The following KLHL1 variants were observed in gnomAD, a reference collection of about 807,000 sequenced individuals.
KLHL1 encodes kelch like family member 1.
KLHL1 carries 47 observed loss-of-function variants against 77.7 expected under a neutral mutation model. The observed-to-expected ratio is 0.60, with a 90% CI of 0.48 to 0.77. The LOEUF (loss-of-function observed/expected upper bound fraction) is 0.77, where lower values mean the gene tolerates loss of function less well. KLHL1 is among the 30% of genes least tolerant of loss of function. The pLI is 0.00. For synonymous variants in KLHL1, 360 were observed against 325.2 expected, an observed-to-expected ratio of 1.11 and a Z score of -1.15; for missense variants, 925 against 910.8, an observed-to-expected ratio of 1.02 and a Z score of -0.20.
At chr13:69,830,139 C>T (rs1358621898) in intron 6 of KLHL1, among the ~76,000 whole-genome samples, 1 of 149,942 alleles carries the variant, frequency 6.7e-6, no homozygotes, top group South Asian at 2.1e-4. Flanking sequence ...GGCCTAAATG[C>T]CCCACATAAA....
intron 1 of KLHL1, among the ~76,000 whole-genome samples, chr13:70,046,855 A>G (rs1364884542): frequency 6.6e-6 from 1 of 152,134 alleles, no homozygotes; most frequent in Admixed American, 6.5e-5. Flanking sequence ...CGAAGCTGCA[A>G]TCAGGACCCT....
intron 1 of KLHL1, among the ~76,000 whole-genome samples, chr13:70,003,519 C>T (rs572785054): frequency 2.1e-4 from 32 of 151,842 alleles, no homozygotes; most frequent in African/African-American, 7.7e-4. Flanking sequence ...TGCAAAATGT[C>T]ATATTCACTG....
chr13:70,001,963 C>T (rs1222075446), intron 1 of KLHL1, among the ~76,000 whole-genome samples: 1 of 151,516 alleles, frequency 6.6e-6, no homozygotes, highest in Non-Finnish European at 1.5e-5. Flanking sequence ...ACCAGAAAGA[C>T]CATATCTTAG....
intron 7 of KLHL1, among the ~76,000 whole-genome samples, chr13:69,760,191 A>C (rs973690589): frequency 3.3e-5 from 5 of 152,124 alleles, no homozygotes; most frequent in Non-Finnish European, 7.3e-5. Context: ...AGTAAGACAA[A>C]GAAAGCATAC....
At chr13:69,845,262 C>A (rs971807968) in intron 5 of KLHL1, among the ~76,000 whole-genome samples, 3 of 151,156 alleles carry the variant, frequency 2.0e-5, no homozygotes, top group African/African-American at 7.3e-5. Context: ...ATAATAAAGT[C>A]TGCTTGCTTA....
At chr13:69,870,458 A>T (rs1380103414) in intron 5 of KLHL1, among the ~76,000 whole-genome samples, 1 of 151,954 alleles carries the variant, frequency 6.6e-6, no homozygotes, top group African/African-American at 2.4e-5. Flanking sequence ...GGGGACAAAC[A>T]TCCAAACCAT....
At chr13:70,030,194 A>G (rs558957813) in intron 1 of KLHL1, among the ~76,000 whole-genome samples, 4 of 152,208 alleles carry the variant, frequency 2.6e-5, no homozygotes, top group African/African-American at 9.6e-5. Context: ...ACGAGACAGA[A>G]AGTTAGCAAG....
intron 1 of KLHL1, among the ~76,000 whole-genome samples, chr13:70,009,451 C>G (rs1307702036): frequency 6.6e-6 from 1 of 151,982 alleles, no homozygotes; most frequent in Non-Finnish European, 1.5e-5. Flanking sequence ...TGTGGGAAAC[C>G]CAATTTATTT....
chr13:69,799,757 T>C (rs796289870), intron 6 of KLHL1, among the ~76,000 whole-genome samples: 2 of 152,230 alleles, frequency 1.3e-5, no homozygotes, highest in East Asian at 1.9e-4. Flanking sequence ...GAAAATCAGT[T>C]CTCTTGCCTT....
intron 1 of KLHL1, among the ~76,000 whole-genome samples, chr13:70,075,569 GT>G (rs1887242900): frequency 9.4e-6 from 1 of 106,676 alleles, no homozygotes; most frequent in East Asian, 2.5e-4. Context: ...GTGTGTATGT[GT>G]ATATATATAT....
rs1879456380 is a variant in KLHL1, at chr13:69,846,274, C to T, written c.1228-7112G>A. Among the ~76,000 whole-genome samples the T allele has an allele frequency of 2.6e-5, 4 of 151,532 alleles. No individual in the cohort carries two copies. The Admixed American group carries it at 2.6e-4, about 10-fold the overall frequency. On this transcript the variant is annotated intron_variant, in intron 5 of 10. Coordinates refer to ENST00000377844, the MANE Select transcript of KLHL1 (RefSeq NM_020866.3). ...TGGTCACTTTGCAGATATGCCCTATCTCCTTATAACCTTGTCAGTTTTCTT... is the reference window on the plus strand; with the variant it reads ...TGGTCACTTTGCAGATATGCCCTATTTCCTTATAACCTTGTCAGTTTTCTT...
chr13:69,785,938 C>T (rs558501456), intron 7 of KLHL1, among the ~76,000 whole-genome samples: 14 of 152,150 alleles, frequency 9.2e-5, no homozygotes, highest in African/African-American at 3.1e-4. Flanking sequence ...ACACATACAC[C>T]CTCCCAAGAC....
chr13:69,701,601 T>A lies in KLHL1; in HGVS notation c.*101A>T, dbSNP rs941312110. On this transcript the variant is annotated 3_prime_UTR_variant, in exon 11 of 11. Coordinates refer to ENST00000377844, the MANE Select transcript of KLHL1 (RefSeq NM_020866.3). The stretch of plus-strand genomic sequence containing the variant: ...GTAGGTAACGCTACAGAGATCCTTG[T>A]TCTTGAAGAGTTTTCATCTCTGGAA... 3 of 785,932 alleles carry A rather than the reference T, an allele frequency of 3.8e-6. No homozygotes were observed. The highest frequency in any genetic ancestry group is 6.4e-6 in the Non-Finnish European group (3 of 465,750). The allele number at this position is 785,932 out of a possible 1,614,324, so 48.7% of individuals were successfully genotyped here.
intron 1 of KLHL1, among the ~76,000 whole-genome samples, chr13:70,102,169 T>C (rs1010862401): frequency 2.6e-5 from 4 of 152,168 alleles, no homozygotes; most frequent in African/African-American, 7.2e-5. Flanking sequence ...AACAAGTGCC[T>C]GGTACATGTC....
chr13:69,867,007 A>G (rs950225368), intron 5 of KLHL1, among the ~76,000 whole-genome samples: 1 of 152,142 alleles, frequency 6.6e-6, no homozygotes, highest in Non-Finnish European at 1.5e-5. Context: ...GGACAATATT[A>G]ACTCTAGGCT....
chr13:69,979,919 A>G (rs17086066), intron 1 of KLHL1, among the ~76,000 whole-genome samples: 23,168 of 152,176 alleles, frequency 0.15, 3,753 homozygotes, highest in African/African-American at 0.41. Flanking sequence ...TTGTCTTCAC[A>G]TCTTAACTTC....
intron 4 of KLHL1, among the ~76,000 whole-genome samples, chr13:69,935,783 A>G (rs767608686): frequency 2.0e-5 from 3 of 152,290 alleles, no homozygotes; most frequent in East Asian, 1.9e-4. Flanking sequence ...AAAAATGTCA[A>G]AGGCACACAC....
chr13:70,016,721 C>G (rs972454393), intron 1 of KLHL1, among the ~76,000 whole-genome samples: 1 of 152,174 alleles, frequency 6.6e-6, no homozygotes. Context: ...AAGCAGGAGG[C>G]AGACAGGCTC....
intron 9 of KLHL1, among the ~76,000 whole-genome samples, chr13:69,715,042 T>C (rs1876055574): frequency 6.6e-6 from 1 of 152,196 alleles, no homozygotes; most frequent in African/African-American, 2.4e-5. Flanking sequence ...CAGCAGGTTA[T>C]TCTGTCACCT....
Sources: gnomAD v4.1 joint callset for allele counts (sites outside exome capture counted in the v4.1 genomes callset) on GRCh38, gnomAD v4.1.1 for gene constraint, MANE v1.5 for transcripts, NCBI Gene and HGNC (gene_info 2026-07-23, HGNC 2026-07-21) for gene names.